FOXN2: variants seen among roughly 807,000 people sequenced by gnomAD.
FOXN2 encodes the protein forkhead box N2, also known as forkhead box protein N2.
Under a neutral mutation model 41.2 loss-of-function variants are expected in FOXN2, and 19 were observed. The observed-to-expected ratio is 0.46, with a 90% CI of 0.32 to 0.68. FOXN2 has a LOEUF of 0.68. FOXN2 is among the 30% of genes least tolerant of loss of function. The pLI, the probability that FOXN2 is intolerant of heterozygous loss-of-function variation, is 0.03. For missense variants in FOXN2, 587 were observed against 509.4 expected, an observed-to-expected ratio of 1.15 and a Z score of -1.47; for synonymous variants, 195 against 176.8, an observed-to-expected ratio of 1.10 and a Z score of -0.82.
rs1429910594 is a variant in FOXN2, at chr2:48,346,345, C to T, written c.131C>T (p.Ala44Val). 1 of 1,614,158 alleles carries T rather than the reference C, an allele frequency of 6.2e-7. No homozygotes were observed. Among genetic ancestry groups the T allele is most frequent in the Non-Finnish European group, 8.5e-7 (1 of 1,180,016 alleles). Residue 44 changes from alanine (A) to valine (V), a missense_variant, in exon 3 of 7, where the codon GCC becomes GTC. Physicochemically the swap from Ala to Val is moderately conservative, Grantham distance 64 (BLOSUM62 0). Transcript: ENST00000340553. ...PEAVDAARPKATLVDSESADD... is the reference protein window; with the variant it reads ...PEAVDAARPKVTLVDSESADD... ...GCTGTTGATGCTGCCAGGCCGAAGG[C>T]CACTCTAGTGGACAGTGAGTCAGCA...
At chr2:48,370,586 TTGTA>T (rs1286966523) in intron 5 of FOXN2, among the ~76,000 whole-genome samples, 1 of 152,146 alleles carries the variant, frequency 6.6e-6, no homozygotes, top group African/African-American at 2.4e-5. Flanking sequence ...TCTTGACCAT[TTGTA>T]TGTCTTCTTT....
At chr2:48,323,628 G>T (rs1669480496) in intron 1 of FOXN2, among the ~76,000 whole-genome samples, 1 of 152,088 alleles carries the variant, frequency 6.6e-6, no homozygotes, top group Admixed American at 6.6e-5. Flanking sequence ...CTGGATATTA[G>T]TCGTTTGTCA....
intron 2 of FOXN2, among the ~76,000 whole-genome samples, chr2:48,341,510 A>G (rs941667580): frequency 1.3e-5 from 2 of 152,234 alleles, no homozygotes; most frequent in African/African-American, 2.4e-5. Flanking sequence ...ATTAAAACAT[A>G]TATGAAATTT....
intron 1 of FOXN2, among the ~76,000 whole-genome samples, chr2:48,319,142 C>G (rs2104054110): frequency 6.7e-6 from 1 of 148,176 alleles, no homozygotes. Flanking sequence ...GTGCTTCTGC[C>G]ACTCAAAAGC....
rs374979868 is a variant in FOXN2, at chr2:48,373,323, G to A, written c.735G>A (p.Met245Ile). ...ATATTGATGCTGCTGCTGCAATGAT[G>A]CTTTTAAATACTTCTATAGAACAAG... The part of the protein sequence containing the change: ...ESDIDAAAAM[M>I]LLNTSIEQGI... Residue 245 changes from methionine to isoleucine, a missense_variant, in exon 6 of 7, where the codon ATG becomes ATA. By Grantham distance (10) the Met-to-Ile change is conservative (BLOSUM62 1). Coordinates refer to ENST00000340553, the MANE Select transcript of FOXN2 (RefSeq NM_002158.4). The A allele has an allele frequency of 1.2e-5, 19 of 1,591,554 alleles. No individual in the cohort carries two copies. The African/African-American group carries it at 2.5e-4, about 21-fold the overall frequency.
At chr2:48,370,215 C>T (rs1672800156) in intron 5 of FOXN2, among the ~76,000 whole-genome samples, 6 of 152,042 alleles carry the variant, frequency 3.9e-5, no homozygotes, top group Admixed American at 3.9e-4. Flanking sequence ...TGCCTTTTTT[C>T]CAACTCACAC....
At position 48,377,248 on chromosome 2, in the gene FOXN2, G is replaced by T. The variant is rs1673311909; in HGVS notation, c.*1805G>T. On this transcript the variant is annotated 3_prime_UTR_variant, in exon 7 of 7. Coordinates refer to ENST00000340553, the MANE Select transcript of FOXN2 (RefSeq NM_002158.4). Reference sequence around the variant, plus strand: ...TTTTTTTAGATCGATCACATCTACAGAAAATGGCTAAACCAAGTTAACTTT... The same window carrying T: ...TTTTTTTAGATCGATCACATCTACATAAAATGGCTAAACCAAGTTAACTTT... The T allele has an allele frequency of 6.6e-6, 1 of 151,602 alleles. No individual in the cohort carries two copies. The highest frequency in any genetic ancestry group is 2.4e-5 in the African/African-American group (1 of 41,310). The allele number at this position is 151,602 out of a possible 1,614,324, so 9.4% of individuals were successfully genotyped here.
At chr2:48,342,830 G>T (rs1228900868) in intron 2 of FOXN2, among the ~76,000 whole-genome samples, 1 of 152,120 alleles carries the variant, frequency 6.6e-6, no homozygotes, top group East Asian at 1.9e-4. Context: ...GATAATGTCA[G>T]CACTTGGTTT....
chr2:48,314,263 T>A (rs2103989604), upstream of FOXN2, among the ~76,000 whole-genome samples: 1 of 152,322 alleles, frequency 6.6e-6, no homozygotes, highest in South Asian at 2.1e-4. Context: ...CCCCCGCGCC[T>A]CCTCGACCAC....
At chr2:48,345,435 A>C (rs544799165) in intron 2 of FOXN2, among the ~76,000 whole-genome samples, 1 of 152,146 alleles carries the variant, frequency 6.6e-6, no homozygotes, top group Non-Finnish European at 1.5e-5. Flanking sequence ...ATTGCATAGC[A>C]TGATGACTGT....
chr2:48,378,018 A>G lies in FOXN2; in HGVS notation c.*2575A>G, dbSNP rs767958271. On this transcript the variant is annotated 3_prime_UTR_variant, in exon 7 of 7. Coordinates refer to ENST00000340553, the MANE Select transcript of FOXN2 (RefSeq NM_002158.4). ...GGTTACATGTTTTCCAACATATCCT[A>G]AAAACTGTGATATAAGCTAACATAT... is the stretch of plus-strand genomic sequence containing the variant. The G allele has an allele frequency of 1.3e-5, 2 of 152,216 alleles. No homozygotes were observed. Among genetic ancestry groups the G allele is most frequent in the African/African-American group, 2.4e-5 (1 of 41,452 alleles). The allele number at this position is 152,216 out of a possible 1,614,324, so 9.4% of individuals were successfully genotyped here.
upstream of FOXN2, among the ~76,000 whole-genome samples, chr2:48,314,202 GC>G (rs1301721800): frequency 6.6e-6 from 1 of 152,264 alleles, no homozygotes; most frequent in African/African-American, 2.4e-5. Context: ...GGTCTCCTCA[GC>G]CCGGGCACAG....
intron 2 of FOXN2, among the ~76,000 whole-genome samples, chr2:48,329,501 C>G (rs1468547493): frequency 6.6e-6 from 1 of 151,922 alleles, no homozygotes; most frequent in African/African-American, 2.4e-5. Context: ...CTTTTGTATT[C>G]TGCACTCCCA....
intron 1 of FOXN2, among the ~76,000 whole-genome samples, chr2:48,321,262 A>G (rs1669296276): frequency 6.6e-6 from 1 of 152,146 alleles, no homozygotes; most frequent in African/African-American, 2.4e-5. Context: ...TAGGCTGGGC[A>G]CAGTGGCTCA....
chr2:48,315,466 G>A (rs1203270446), intron 1 of FOXN2, among the ~76,000 whole-genome samples: 1 of 152,200 alleles, frequency 6.6e-6, no homozygotes, highest in Non-Finnish European at 1.5e-5. Flanking sequence ...CTCAGAGGGT[G>A]GCTGTCTTGG....
At position 48,376,635 on chromosome 2, in the gene FOXN2, A is replaced by T. The variant is rs1673270325; in HGVS notation, c.*1192A>T. On this transcript the variant is annotated 3_prime_UTR_variant, in exon 7 of 7. Transcript: ENST00000340553. Reference sequence around the variant, plus strand: ...ATCCATGAGAAAAAGATTTTCTGGTACTACTCCAAAAGTGCTTTGACTAAG... The same window carrying T: ...ATCCATGAGAAAAAGATTTTCTGGTTCTACTCCAAAAGTGCTTTGACTAAG... The T allele has an allele frequency of 6.6e-6, 1 of 152,500 alleles. No homozygotes were observed. Among genetic ancestry groups the T allele is most frequent in the African/African-American group, 2.4e-5 (1 of 41,466 alleles). The allele number at this position is 152,500 out of a possible 1,614,324, so 9.4% of individuals were successfully genotyped here.
rs777099855 is a variant in FOXN2, at chr2:48,359,078, A to G, written c.569A>G (p.Asp190Gly). The G allele has an allele frequency of 6.2e-7, 1 of 1,613,616 alleles. No homozygotes were observed. The highest frequency in any genetic ancestry group is 1.7e-5 in the Admixed American group (1 of 59,998). Residue 190 changes from aspartate to glycine, a missense_variant, in exon 4 of 7, where the codon GAT becomes GGT. Asp to Gly is a moderately conservative substitution (Grantham distance 94). Transcript: ENST00000340553. The part of the protein sequence containing the change: ...VNGKGSLWCV[D>G]PEYKPNLIQA... ...GGAAAAGGTTCCTTATGGTGTGTTGATCCGGAATATAAACCCAATCTTATC... is the reference window on the plus strand; with the variant it reads ...GGAAAAGGTTCCTTATGGTGTGTTGGTCCGGAATATAAACCCAATCTTATC...
At chr2:48,329,850 A>C (rs1319298078) in intron 2 of FOXN2, among the ~76,000 whole-genome samples, 1 of 151,826 alleles carries the variant, frequency 6.6e-6, no homozygotes, top group Non-Finnish European at 1.5e-5. Flanking sequence ...TTTTTTCCTT[A>C]CATGAGGTTT....
At chr2:48,315,235 C>T (rs1421573393) in intron 1 of FOXN2, among the ~76,000 whole-genome samples, 1 of 152,156 alleles carries the variant, frequency 6.6e-6, no homozygotes, top group Non-Finnish European at 1.5e-5. Context: ...CCCCAAGCAC[C>T]TCGGAGCCTT....
Sources: allele counts gnomAD v4.1 joint callset (sites outside exome capture counted in the v4.1 genomes callset), GRCh38; gene constraint gnomAD v4.1.1; transcripts MANE v1.5; gene names NCBI Gene and HGNC (gene_info 2026-07-23, HGNC 2026-07-21).